Variants in NUP210L observed in about 807,000 individuals in gnomAD.
NUP210L encodes the protein nuclear pore membrane glycoprotein 210-like.
Under a neutral mutation model 208.5 loss-of-function variants are expected in NUP210L, and 74 were observed. The observed-to-expected ratio is 0.35, with a 90% CI of 0.29 to 0.43. The LOEUF is 0.43. Among genes scored for constraint, NUP210L ranks in the 20% least tolerant of loss-of-function variants. The pLI is 1.00. For missense variants in NUP210L, 1,843 were observed against 2,289.4 expected (o/e 0.81, Z 3.98); for synonymous variants, 780 against 816.9 (o/e 0.95, Z 0.77).
intron 37 of NUP210L, among the ~76,000 whole-genome samples, chr1:153,996,788 A>G (rs1384551022): frequency 6.9e-6 from 1 of 145,224 alleles, no homozygotes; most frequent in Non-Finnish European, 1.5e-5. Flanking sequence ...TCAGGATGTC[A>G]TTTTTTGGGA....
Position 154,130,989 on chromosome 1 carries a change from G to A in NUP210L, c.1010-1644C>T, listed in dbSNP as rs535411618. ...TTCATAACATATAAGAGCTAGGGCC[G>A]GGCGTCGTGAATCACGCCTGTAATC... On this transcript the variant is annotated intron_variant, in intron 7 of 39. Coordinates refer to ENST00000368559, the Ensembl canonical transcript of NUP210L. Among the ~76,000 whole-genome samples the A allele has an allele frequency of 1.8e-4, 28 of 152,162 alleles. 1 individual carries two copies. The South Asian group carries it at 5.6e-3, about 30-fold the overall frequency.
chr1:153,995,275 T>C, intron 37 of NUP210L, 95 bp from the exon 38 acceptor site: 1 of 842,660 alleles, frequency 1.2e-6, no homozygotes, highest in South Asian at 1.6e-5. Context: ...AGACAGAGTT[T>C]TACTCTCACT....
exon 31 of NUP210L, chr1:154,023,264 G>T (rs1464200888): frequency 1.9e-6 from 3 of 1,611,990 alleles, no homozygotes; most frequent in South Asian, 1.1e-5. Flanking sequence ...AGCTTGGGTT[G>T]GCTGCTCACT....
At position 154,010,070 on chromosome 1, in the gene NUP210L, G is replaced by A. The variant is rs765083791; in HGVS notation, c.4832C>T (p.Ala1611Val). 5.6e-6 allele frequency: 9 copies of A among 1,613,744 alleles called. No individual in the cohort carries two copies. In the East Asian group the frequency reaches 8.9e-5, roughly 16 times the overall value. Reference sequence around the variant, plus strand: ...CTGTACATGGCACAGCATGAGGGTCGCTGGAAGAAGTACTTTTGTAATGGC... The same window carrying A: ...CTGTACATGGCACAGCATGAGGGTCACTGGAAGAAGTACTTTTGTAATGGC... The change falls in exon 35 of 40, where the codon GCG becomes GTG. Residue 1611 changes from alanine (A) to valine (V), a missense_variant. Ala to Val is a moderately conservative substitution (Grantham distance 64, BLOSUM62 0). Transcript: ENST00000368559.
intron 35 of NUP210L, among the ~76,000 whole-genome samples, chr1:154,006,817 C>CATATAT (rs376666558): frequency 7.7e-4 from 88 of 114,660 alleles, no homozygotes; most frequent in Middle Eastern, 5.2e-3. Context: ...CTTACCATGC[C>CATATAT]ATATATATAT....
intron 25 of NUP210L, among the ~76,000 whole-genome samples, chr1:154,050,492 C>G (rs1557940552): frequency 6.6e-6 from 1 of 151,862 alleles, no homozygotes; most frequent in Non-Finnish European, 1.5e-5. Flanking sequence ...TGTCCAAGAG[C>G]AGGACTTAGT....
intron 19 of NUP210L, 110 bp downstream of exon 19, chr1:154,060,832 T>C (rs1654095447): frequency 1.2e-6 from 1 of 800,256 alleles, no homozygotes; most frequent in African/African-American, 1.7e-5. Flanking sequence ...TTTACATATA[T>C]GTATCAATTA....
rs774527976 is a variant in NUP210L at position 153,992,993 on chromosome 1, A to T, written c.5566+22T>A. The T allele has an allele frequency of 3.7e-6, 6 of 1,611,714 alleles. No individual in the cohort carries two copies. The East Asian group carries it at 1.3e-4, about 36-fold the overall frequency. ...ACGTGTGTATCTGAGCTTTTCAAAG[A>T]TGAGGACAGAGGCTTTTTTACCTGG... is the stretch of plus-strand genomic sequence containing the variant. On this transcript the variant is annotated intron_variant, in intron 39 of 39. Transcript: ENST00000368559.
intron 10 of NUP210L, among the ~76,000 whole-genome samples, chr1:154,121,421 TC>T (rs1383393124): frequency 1.3e-5 from 2 of 152,214 alleles, no homozygotes; most frequent in Non-Finnish European, 2.9e-5. Context: ...GATTTCTGAC[TC>T]CTGGTATTCA....
Position 154,012,300 on chromosome 1 carries a change from T to C in NUP210L, c.4724A>G (p.Asn1575Ser), listed in dbSNP as rs200793752. ...GATGAAGAGCTTGAATACAGTTGAA[T>C]TGAGGGTATTGGTGAGATAAGTCTT... The change falls in exon 34 of 40, where the codon AAT becomes AGT. Residue 1575 changes from asparagine to serine, a missense_variant. Coordinates refer to ENST00000368559, the Ensembl canonical transcript of NUP210L. 631 of 1,613,366 alleles carry C rather than the reference T, an allele frequency of 3.9e-4. 1 individual carries two copies. The highest frequency in any genetic ancestry group is 3.8e-3 in the Middle Eastern group (23 of 6,082).
At chr1:154,042,089 C>CCTCT (rs375101605) in intron 27 of NUP210L, among the ~76,000 whole-genome samples, 1 of 151,022 alleles carries the variant, frequency 6.6e-6, no homozygotes, top group East Asian at 1.9e-4. Flanking sequence ...AAGGCCTTTC[C>CCTCT]CTCTCTCTCT....
intron 17 of NUP210L, among the ~76,000 whole-genome samples, chr1:154,067,212 G>A (rs1290240715): frequency 2.0e-5 from 3 of 152,022 alleles, no homozygotes; most frequent in Non-Finnish European, 2.9e-5. Flanking sequence ...CTGGCAAACC[G>A]AATCCAGCAG....
chr1:154,055,153 T>TTC (rs1553228937), intron 23 of NUP210L, among the ~76,000 whole-genome samples: 1 of 110,988 alleles, frequency 9.0e-6, no homozygotes, highest in Non-Finnish European at 1.8e-5. Flanking sequence ...CTTTCTTTCT[T>TTC]TCTTTCTTTC....
intron 25 of NUP210L, among the ~76,000 whole-genome samples, chr1:154,052,227 A>G (rs1653545832): frequency 1.3e-5 from 2 of 152,230 alleles, no homozygotes; most frequent in Admixed American, 1.3e-4. Flanking sequence ...AACTTGGGGT[A>G]GAGGTTATGC....
intron 38 of NUP210L, 69 bp downstream of exon 38, chr1:153,995,007 A>G: frequency 4.0e-6 from 4 of 1,000,328 alleles, no homozygotes; most frequent in South Asian, 1.5e-5. Context: ...CTTAAACTCC[A>G]TCTCAAAAAA....
At chr1:154,064,429 A>C (rs931401058) in intron 17 of NUP210L, among the ~76,000 whole-genome samples, 1 of 152,110 alleles carries the variant, frequency 6.6e-6, no homozygotes, top group Admixed American at 6.6e-5. Flanking sequence ...TCTCTGACTT[A>C]GTCTCACTCG....
chr1:154,054,585 C>T (rs1368032872), intron 24 of NUP210L, among the ~76,000 whole-genome samples, 178 bp from the exon 25 acceptor site: 1 of 152,058 alleles, frequency 6.6e-6, no homozygotes, highest in Non-Finnish European at 1.5e-5. Context: ...CATGGGATTC[C>T]AAGAGAGTTT....
At chr1:154,024,275 C>T (rs1041042468) in intron 30 of NUP210L, among the ~76,000 whole-genome samples, 4 of 152,140 alleles carry the variant, frequency 2.6e-5, no homozygotes, top group African/African-American at 9.7e-5. Context: ...GTGAAGCCCG[C>T]GTTTGAATCA....
At chr1:154,069,895 T>C (rs956954341) in intron 17 of NUP210L, among the ~76,000 whole-genome samples, 1 of 152,166 alleles carries the variant, frequency 6.6e-6, no homozygotes, top group African/African-American at 2.4e-5. Flanking sequence ...GTTCGTGTCC[T>C]TTGTAGGGAC....
Sources: gnomAD v4.1 joint callset for allele counts (sites outside exome capture counted in the v4.1 genomes callset) on GRCh38, gnomAD v4.1.1 for gene constraint, MANE v1.5 for transcripts, NCBI Gene and HGNC (gene_info 2026-07-23, HGNC 2026-07-21) for gene names.